The following GALNT1 variants were observed in gnomAD, a reference collection of about 807,000 sequenced individuals.
The protein encoded by GALNT1 is polypeptide N-acetylgalactosaminyltransferase 1, also known as GalNAc transferase 1.
GALNT1 carries 17 observed loss-of-function variants against 65.7 expected under a neutral mutation model. That is an observed-to-expected ratio of 0.26 (90% CI 0.18 to 0.39). The LOEUF (loss-of-function observed/expected upper bound fraction) is 0.39. Among genes scored for constraint, GALNT1 ranks in the 10% least tolerant of loss-of-function variants. The pLI, the probability that GALNT1 is intolerant of heterozygous loss-of-function variation, is 1.00. For missense variants in GALNT1, 460 were observed against 672.8 expected, an observed-to-expected ratio of 0.68 and a Z score of 3.50; for synonymous variants, 210 against 219.7, an observed-to-expected ratio of 0.96 and a Z score of 0.39.
chr18:35,641,489 G>A (rs1398466210), intron 1 of GALNT1, among the ~76,000 whole-genome samples: 1 of 152,052 alleles, frequency 6.6e-6, no homozygotes, highest in African/African-American at 2.4e-5. Flanking sequence ...CTCACACAAG[G>A]CTACATTAGG....
chr18:35,621,918 T>G (rs2046857553), intron 1 of GALNT1, among the ~76,000 whole-genome samples: 1 of 152,210 alleles, frequency 6.6e-6, no homozygotes, highest in African/African-American at 2.4e-5. Flanking sequence ...CTGGGCTGTC[T>G]TCTGTTTCAT....
chr18:35,670,166 C>G (rs1023186448), intron 3 of GALNT1, among the ~76,000 whole-genome samples: 1 of 152,000 alleles, frequency 6.6e-6, no homozygotes, highest in Non-Finnish European at 1.5e-5. Flanking sequence ...GTGGTGCATG[C>G]CTATAGTCCC....
chr18:35,691,999 C>T (rs2047971463), intron 8 of GALNT1, among the ~76,000 whole-genome samples, 182 bp from the exon 9 acceptor site: 1 of 152,134 alleles, frequency 6.6e-6, no homozygotes, highest in Non-Finnish European at 1.5e-5. Flanking sequence ...AATTAAAACA[C>T]ATTTTAATGT....
At chr18:35,637,689 T>C (rs897622475) in intron 1 of GALNT1, among the ~76,000 whole-genome samples, 1 of 152,236 alleles carries the variant, frequency 6.6e-6, no homozygotes, top group Non-Finnish European at 1.5e-5. Flanking sequence ...TGAAGGTGGC[T>C]ACACTAAAAA....
At chr18:35,650,482 C>A (rs1231114735) in intron 1 of GALNT1, among the ~76,000 whole-genome samples, 1 of 152,176 alleles carries the variant, frequency 6.6e-6, no homozygotes, top group Admixed American at 6.5e-5. Context: ...CCGGTCTGAT[C>A]AAAATTTACT....
intron 4 of GALNT1, among the ~76,000 whole-genome samples, chr18:35,679,872 A>G (rs1398937614): frequency 1.3e-5 from 2 of 152,050 alleles, no homozygotes; most frequent in South Asian, 2.1e-4. Flanking sequence ...TTTCCTATTC[A>G]TGAGACACAT....
At chr18:35,650,725 A>G (rs1238848889) in intron 1 of GALNT1, among the ~76,000 whole-genome samples, 1 of 152,182 alleles carries the variant, frequency 6.6e-6, no homozygotes, top group East Asian at 1.9e-4. Context: ...CGCCCGGCCC[A>G]CAGGCAGCCA....
rs1405247448 is a variant in GALNT1, at chr18:35,685,117, A to G, written c.689+1519A>G. On this transcript the variant is annotated intron_variant, in intron 5 of 11. Transcript: ENST00000269195. ...TTTATGAGGCTGGTATAACTGTGAT[A>G]TGAAAACCAGAAAAGTACTACAAGG... 4.6e-5 allele frequency among the ~76,000 whole-genome samples: 7 copies of G among 152,316 alleles called. No individual in the cohort carries two copies. In the East Asian group the frequency reaches 1.2e-3, roughly 25 times the overall value.
chr18:35,698,468 G>A (rs1282767272), intron 9 of GALNT1, among the ~76,000 whole-genome samples: 2 of 151,752 alleles, frequency 1.3e-5, no homozygotes, highest in African/African-American at 2.4e-5. Flanking sequence ...GAGACTGTCT[G>A]AAAATATAAA....
chr18:35,658,967 C>G (rs1196164012), intron 2 of GALNT1, among the ~76,000 whole-genome samples: 1 of 152,124 alleles, frequency 6.6e-6, no homozygotes, highest in Non-Finnish European at 1.5e-5. Context: ...GTTTCAGCCT[C>G]CCAAAGTGCT....
At chr18:35,611,867 C>T (rs2046722418) in intron 1 of GALNT1, among the ~76,000 whole-genome samples, 2 of 152,098 alleles carry the variant, frequency 1.3e-5, no homozygotes, top group Admixed American at 1.3e-4. Flanking sequence ...TCTTTTTTGT[C>T]TTGAAAAAAG....
At position 35,677,603 on chromosome 18, in the gene GALNT1, G is replaced by A; in HGVS notation, c.327G>A (p.Lys109=). The A allele has an allele frequency of 6.2e-7, 1 of 1,611,212 alleles. No homozygotes were observed. The highest frequency in any genetic ancestry group is 8.5e-7 in the Non-Finnish European group (1 of 1,178,384). Residue 109 remains lysine (K), a synonymous_variant, in exon 4 of 12, where the codon AAG becomes AAA. Transcript: ENST00000269195. ...GCTTTGTCTCTAGGTGTAAAACAAA[G>A]GTGTATCCAGATAATCTTCCTACAA... is the stretch of plus-strand genomic sequence containing the variant. ...PDVRLEGCKT[K]VYPDNLPTTS... is the part of the protein sequence containing the mutation.
chr18:35,630,183 C>A (rs1188288195), intron 1 of GALNT1, among the ~76,000 whole-genome samples: 2 of 152,186 alleles, frequency 1.3e-5, no homozygotes, highest in African/African-American at 4.8e-5. Flanking sequence ...GAATTGAACT[C>A]AGCTCTGCAC....
At chr18:35,708,681 A>C (rs911989740) in intron 11 of GALNT1, among the ~76,000 whole-genome samples, 2 of 152,200 alleles carry the variant, frequency 1.3e-5, no homozygotes, top group African/African-American at 4.8e-5. Flanking sequence ...TATTATCACA[A>C]TCATTGGTGT....
intron 4 of GALNT1, among the ~76,000 whole-genome samples, chr18:35,680,561 A>G (rs867007100): frequency 6.6e-6 from 1 of 152,242 alleles, no homozygotes; most frequent in African/African-American, 2.4e-5. Flanking sequence ...GTACACTGGT[A>G]TATTTAATCT....
intron 1 of GALNT1, among the ~76,000 whole-genome samples, chr18:35,585,732 T>C (rs2046371249): frequency 6.6e-6 from 1 of 152,248 alleles, no homozygotes; most frequent in Non-Finnish European, 1.5e-5. Context: ...AAGTGTCTTT[T>C]GGAATTGGCT....
intron 1 of GALNT1, among the ~76,000 whole-genome samples, chr18:35,599,776 A>C (rs1387708954): frequency 6.6e-6 from 1 of 152,200 alleles, no homozygotes; most frequent in Non-Finnish European, 1.5e-5. Context: ...GATTTATTGA[A>C]GAGACTGTCC....
chr18:35,581,206 G>GC (rs2046307356), upstream of GALNT1: 1 of 151,962 alleles, frequency 6.6e-6, no homozygotes, highest in African/African-American at 2.4e-5. Context: ...TGCTCGACGC[G>GC]CAACAGCCCG....
chr18:35,654,243 G>A (rs918435946), intron 1 of GALNT1, among the ~76,000 whole-genome samples: 2 of 152,080 alleles, frequency 1.3e-5, no homozygotes, highest in African/African-American at 2.4e-5. Context: ...AGGGAATTGA[G>A]CACTTTTCTA....
Sources: allele counts gnomAD v4.1 joint callset (sites outside exome capture counted in the v4.1 genomes callset), GRCh38; gene constraint gnomAD v4.1.1; transcripts MANE v1.5; gene names NCBI Gene and HGNC (gene_info 2026-07-23, HGNC 2026-07-21).